Variants in PTPRD observed in about 807,000 individuals in gnomAD.
PTPRD encodes protein tyrosine phosphatase receptor type D, also known as receptor-type tyrosine-protein phosphatase delta.
PTPRD carries 34 observed loss-of-function variants against 214.5 expected under a neutral mutation model. The ratio of observed to expected loss-of-function variants is 0.16; its 90% confidence interval spans 0.12 to 0.21. PTPRD has a LOEUF of 0.21. Among genes scored for constraint, PTPRD ranks in the 10% least tolerant of loss-of-function variants. The pLI is 1.00. For missense variants in PTPRD, 2,545 were observed against 2,398.7 expected, an observed-to-expected ratio of 1.06 and a Z score of -1.27; for synonymous variants, 1,128 against 845.7, an observed-to-expected ratio of 1.33 and a Z score of -5.79.
chr9:9,796,012 G>T (rs1275439602), intron 5 of PTPRD, among the ~76,000 whole-genome samples: 1 of 151,790 alleles, frequency 6.6e-6, no homozygotes, highest in Non-Finnish European at 1.5e-5. Flanking sequence ...TAGAATTACA[G>T]AATTATATTA....
At chr9:9,778,374 T>C (rs1597525670) in intron 5 of PTPRD, among the ~76,000 whole-genome samples, 1 of 152,098 alleles carries the variant, frequency 6.6e-6, no homozygotes, top group Non-Finnish European at 1.5e-5. Context: ...GGGATTTCCC[T>C]GGGGAAAAGG....
At chr9:9,884,537 G>C (rs2070064372) in intron 5 of PTPRD, among the ~76,000 whole-genome samples, 2 of 152,086 alleles carry the variant, frequency 1.3e-5, no homozygotes, top group African/African-American at 4.8e-5. Flanking sequence ...TCTGGGAATA[G>C]ATGGCAGGTA....
At chr9:9,882,556 C>A (rs116519128) in intron 5 of PTPRD, among the ~76,000 whole-genome samples, 3 of 152,024 alleles carry the variant, frequency 2.0e-5, no homozygotes, top group African/African-American at 7.3e-5. Flanking sequence ...AATTAAATAA[C>A]CTTTCTGAAG....
chr9:9,220,273 G>A (rs986682756), intron 9 of PTPRD, among the ~76,000 whole-genome samples: 2 of 146,366 alleles, frequency 1.4e-5, no homozygotes, highest in Non-Finnish European at 3.0e-5. Flanking sequence ...TGCCTATGGG[G>A]TAACCATTCT....
At chr9:9,709,922 G>T (rs1298707764) in intron 7 of PTPRD, among the ~76,000 whole-genome samples, 6 of 151,824 alleles carry the variant, frequency 4.0e-5, no homozygotes. Context: ...TCCTTTTTCT[G>T]CATTGTACAC....
intron 3 of PTPRD, among the ~76,000 whole-genome samples, chr9:10,287,976 G>A (rs1262402939): frequency 6.6e-6 from 1 of 151,946 alleles, no homozygotes; most frequent in East Asian, 1.9e-4. Flanking sequence ...GTTTTAAGAA[G>A]TTTGAATAAC....
intron 2 of PTPRD, among the ~76,000 whole-genome samples, chr9:10,412,079 C>T (rs1274138343): frequency 4.0e-5 from 6 of 151,702 alleles, no homozygotes. Flanking sequence ...AAATTCTATT[C>T]ATGTAAACTC....
At chr9:10,328,961 A>G (rs565775879) in intron 3 of PTPRD, among the ~76,000 whole-genome samples, 1 of 151,806 alleles carries the variant, frequency 6.6e-6, no homozygotes, top group East Asian at 2.0e-4. Context: ...CACTGTGCAA[A>G]ATATATACTG....
At chr9:8,459,893 CT>C (rs930445939) in intron 33 of PTPRD, among the ~76,000 whole-genome samples, 4 of 152,084 alleles carry the variant, frequency 2.6e-5, no homozygotes, top group Admixed American at 6.6e-5. Flanking sequence ...CCATCCTTCT[CT>C]TTTTTTTCCC....
At chr9:10,305,175 A>G (rs2154410643) in intron 3 of PTPRD, among the ~76,000 whole-genome samples, 1 of 152,214 alleles carries the variant, frequency 6.6e-6, no homozygotes, top group East Asian at 1.9e-4. Context: ...TATTTAATAA[A>G]TGGTGTTGGG....
intron 9 of PTPRD, among the ~76,000 whole-genome samples, chr9:9,334,188 C>T (rs1179321329): frequency 6.6e-6 from 1 of 151,900 alleles, no homozygotes; most frequent in Non-Finnish European, 1.5e-5. Flanking sequence ...AATGATAATT[C>T]TATCATAGTT....
At chr9:8,673,294 C>G (rs2097326827) in intron 12 of PTPRD, among the ~76,000 whole-genome samples, 1 of 152,050 alleles carries the variant, frequency 6.6e-6, no homozygotes, top group Non-Finnish European at 1.5e-5. Flanking sequence ...AAGTTATGAC[C>G]TCTTTCTCAT....
intron 3 of PTPRD, among the ~76,000 whole-genome samples, chr9:10,287,118 G>A (rs2095382048): frequency 6.6e-6 from 1 of 152,182 alleles, no homozygotes; most frequent in Non-Finnish European, 1.5e-5. Flanking sequence ...AAGCCAAGGA[G>A]CTCATTAATT....
intron 10 of PTPRD, among the ~76,000 whole-genome samples, chr9:9,050,615 T>C (rs1569507697): frequency 6.6e-6 from 1 of 152,166 alleles, no homozygotes. Flanking sequence ...TGCATCACTC[T>C]GAGTAGAGTG....
At chr9:9,965,391 A>C (rs1354529244) in intron 4 of PTPRD, among the ~76,000 whole-genome samples, 1 of 152,144 alleles carries the variant, frequency 6.6e-6, no homozygotes, top group Non-Finnish European at 1.5e-5. Flanking sequence ...GCAGGTATAA[A>C]GACATGATAA....
chr9:10,268,225 G>C (rs1378382391), intron 3 of PTPRD, among the ~76,000 whole-genome samples: 3 of 150,446 alleles, frequency 2.0e-5, no homozygotes, highest in African/African-American at 4.9e-5. Context: ...AGGAGTTGCA[G>C]GCTGCAGTAA....
chr9:9,646,570 T>A (rs958455386), intron 7 of PTPRD, among the ~76,000 whole-genome samples: 7 of 152,108 alleles, frequency 4.6e-5, no homozygotes, highest in African/African-American at 1.7e-4. Context: ...AATGTGTTTT[T>A]CAACAATTTT....
chr9:10,013,914 A>G (rs2096650352), intron 4 of PTPRD, among the ~76,000 whole-genome samples: 1 of 151,982 alleles, frequency 6.6e-6, no homozygotes, highest in Non-Finnish European at 1.5e-5. Flanking sequence ...CTCAAAATTT[A>G]GGTTTTGTAC....
intron 4 of PTPRD, among the ~76,000 whole-genome samples, chr9:9,973,740 G>C (rs2095243867): frequency 6.6e-6 from 1 of 152,092 alleles, no homozygotes; most frequent in Non-Finnish European, 1.5e-5. Flanking sequence ...GGATATATTG[G>C]TGTGAAAACA....
Sources: allele counts gnomAD v4.1 joint callset (sites outside exome capture counted in the v4.1 genomes callset), GRCh38; gene constraint gnomAD v4.1.1; transcripts MANE v1.5; gene names NCBI Gene and HGNC (gene_info 2026-07-23, HGNC 2026-07-21).